FHIT: variants seen among roughly 807,000 people sequenced by gnomAD.
FHIT encodes fragile histidine triad diadenosine triphosphatase.
A neutral mutation model predicts 17.9 loss-of-function variants in FHIT; 19 were observed. That is an observed-to-expected ratio of 1.06 (90% CI 0.74 to 1.56). FHIT has a LOEUF of 1.56. Ranked by LOEUF, FHIT falls within the 40% of genes most tolerant of loss-of-function variation. FHIT has a pLI of 0.00. For synonymous variants in FHIT, 81 were observed against 69.7 expected (o/e 1.16, Z -0.81); for missense variants, 248 against 189.2 (o/e 1.31, Z -1.82).
At chr3:60,991,279 C>A (rs2030187154) in intron 3 of FHIT, among the ~76,000 whole-genome samples, 1 of 152,156 alleles carries the variant, frequency 6.6e-6, no homozygotes, top group East Asian at 1.9e-4. Flanking sequence ...AGATGAAGTT[C>A]AATGACCCGA....
intron 4 of FHIT, among the ~76,000 whole-genome samples, chr3:60,619,367 T>G (rs1350072693): frequency 1.3e-5 from 2 of 152,090 alleles, no homozygotes; most frequent in African/African-American, 4.8e-5. Flanking sequence ...ATTAACAAAC[T>G]GATTCTAAAG....
intron 5 of FHIT, among the ~76,000 whole-genome samples, chr3:60,180,944 G>C (rs1701903124): frequency 6.6e-6 from 1 of 151,880 alleles, no homozygotes; most frequent in Non-Finnish European, 1.5e-5. Flanking sequence ...ACTTATATTT[G>C]ATAATCTGGA....
intron 7 of FHIT, among the ~76,000 whole-genome samples, chr3:59,963,649 GTAAC>G (rs1478542722): frequency 2.0e-5 from 3 of 152,138 alleles, no homozygotes; most frequent in Non-Finnish European, 2.9e-5. Context: ...TAAAAATTAA[GTAAC>G]TAAGTTTCAG....
At chr3:60,943,590 T>C (rs1172768759) in intron 3 of FHIT, among the ~76,000 whole-genome samples, 1 of 152,104 alleles carries the variant, frequency 6.6e-6, no homozygotes, top group Non-Finnish European at 1.5e-5. Context: ...GACAGATAGG[T>C]TTAATCATTT....
At chr3:60,008,601 A>G (rs768154255) in intron 7 of FHIT, among the ~76,000 whole-genome samples, 1 of 152,206 alleles carries the variant, frequency 6.6e-6, no homozygotes, top group Non-Finnish European at 1.5e-5. Context: ...ACCACTCAGC[A>G]TGAGACAAAA....
intron 3 of FHIT, among the ~76,000 whole-genome samples, chr3:60,923,699 C>T (rs911385435): frequency 7.2e-5 from 11 of 152,088 alleles, no homozygotes; most frequent in African/African-American, 1.7e-4. Context: ...TGAGGAGTGT[C>T]GGACAGTGGG....
At chr3:60,861,002 CA>C (rs1703780171) in intron 3 of FHIT, among the ~76,000 whole-genome samples, 1 of 80,316 alleles carries the variant, frequency 1.2e-5, no homozygotes, top group East Asian at 2.8e-4. Context: ...CGTATATATC[CA>C]TATATATGAT....
intron 5 of FHIT, among the ~76,000 whole-genome samples, chr3:60,444,613 C>A (rs1213371852): frequency 2.0e-5 from 3 of 152,050 alleles, no homozygotes; most frequent in Non-Finnish European, 4.4e-5. Flanking sequence ...CCAAACACCG[C>A]ATGTTCTCAC....
At chr3:60,721,708 G>A (rs1303120393) in intron 4 of FHIT, among the ~76,000 whole-genome samples, 1 of 152,106 alleles carries the variant, frequency 6.6e-6, no homozygotes, top group Non-Finnish European at 1.5e-5. Flanking sequence ...CCGAACTTCA[G>A]CCAAATGAGA....
intron 3 of FHIT, among the ~76,000 whole-genome samples, chr3:60,849,465 A>AT (rs1559769296): frequency 1.3e-4 from 16 of 120,678 alleles, no homozygotes; most frequent in South Asian, 8.6e-4. Flanking sequence ...TATATATATA[A>AT]AATTATTATG....
At position 60,367,954 on chromosome 3, in the gene FHIT, A is replaced by G. The variant is rs187566021; in HGVS notation, c.103+168906T>C. On this transcript the variant is annotated intron_variant, in intron 5 of 9. Coordinates refer to ENST00000492590, the MANE Select transcript of FHIT (RefSeq NM_002012.4). Reference sequence around the variant, plus strand: ...TTTCAACTATTTAGAGAAGTCCACCATGCACTTACAGGTATTAGAAATTTT... The same window carrying G: ...TTTCAACTATTTAGAGAAGTCCACCGTGCACTTACAGGTATTAGAAATTTT... Among the ~76,000 whole-genome samples, 156 of 152,304 alleles carry G rather than the reference A, an allele frequency of 1.0e-3. 2 individuals are homozygous for G. Among genetic ancestry groups the G allele is most frequent in the African/African-American group, 3.3e-3 (137 of 41,576 alleles).
At chr3:59,859,400 A>T (rs1379621791) in intron 8 of FHIT, among the ~76,000 whole-genome samples, 1 of 152,248 alleles carries the variant, frequency 6.6e-6, no homozygotes, top group African/African-American at 2.4e-5. Context: ...TAAGGCAGGA[A>T]AACACGAGAC....
chr3:60,715,678 G>T (rs2041665274), intron 4 of FHIT, among the ~76,000 whole-genome samples: 1 of 151,044 alleles, frequency 6.6e-6, no homozygotes, highest in African/African-American at 2.4e-5. Context: ...GCTAAATGAT[G>T]AGTTAATGGG....
At chr3:60,924,341 G>T (rs1707460942) in intron 3 of FHIT, among the ~76,000 whole-genome samples, 1 of 152,134 alleles carries the variant, frequency 6.6e-6, no homozygotes, top group South Asian at 2.1e-4. Context: ...ACACGGCCGG[G>T]TACTCTTCTG....
In FHIT at chr3:60,560,378, T is replaced by C. The variant is rs562687483; in HGVS notation, c.-17-23399A>G. Among the ~76,000 whole-genome samples the C allele has an allele frequency of 4.3e-4, 65 of 152,190 alleles. No individual in the cohort carries two copies. In the South Asian group the frequency reaches 0.013, roughly 32 times the overall value. On this transcript the variant is annotated intron_variant, in intron 4 of 9. Transcript: ENST00000492590. ...AAGGGCTGGGAATACGGTCAGAGAT[T>C]GGGATTGCCTATCAGCCCCCTCCCA...
chr3:60,814,614 G>T (rs1701673425), intron 4 of FHIT, among the ~76,000 whole-genome samples: 1 of 152,074 alleles, frequency 6.6e-6, no homozygotes, highest in Non-Finnish European at 1.5e-5. Context: ...CCATTGATGG[G>T]CACCTAGGTT....
chr3:59,806,020 A>G (rs1160715244), intron 8 of FHIT, among the ~76,000 whole-genome samples: 3 of 152,058 alleles, frequency 2.0e-5, no homozygotes, highest in African/African-American at 7.2e-5. Context: ...TCTCTGCTAA[A>G]AATACAAAAA....
chr3:60,140,272 T>C (rs933095763), intron 5 of FHIT, among the ~76,000 whole-genome samples: 5 of 152,156 alleles, frequency 3.3e-5, no homozygotes, highest in African/African-American at 9.6e-5. Flanking sequence ...TGATAGTGCC[T>C]CAATTTTCCT....
chr3:60,653,531 CAA>C (rs1553688858), intron 4 of FHIT, among the ~76,000 whole-genome samples: 6 of 151,562 alleles, frequency 4.0e-5, no homozygotes, highest in African/African-American at 1.5e-4. Flanking sequence ...AGGGAATTAT[CAA>C]AGAGATTGCA....
Sources: gnomAD v4.1 joint callset for allele counts (sites outside exome capture counted in the v4.1 genomes callset) on GRCh38, gnomAD v4.1.1 for gene constraint, MANE v1.5 for transcripts, NCBI Gene and HGNC (gene_info 2026-07-23, HGNC 2026-07-21) for gene names.